CNOT6L: variants seen among roughly 807,000 people sequenced by gnomAD.
CNOT6L encodes the protein CCR4-NOT transcription complex subunit 6-like.
In CNOT6L, 7 loss-of-function variants were observed where a neutral mutation model predicts 64.0. The ratio of observed to expected loss-of-function variants is 0.11; its 90% confidence interval spans 0.06 to 0.21. The LOEUF is 0.21. CNOT6L is among the 10% of genes least tolerant of loss of function. The pLI is 1.00. For missense variants in CNOT6L, 245 were observed against 669.0 expected (o/e 0.37, Z 6.99); for synonymous variants, 193 against 243.4 (o/e 0.79, Z 1.93).
chr4:77,745,934 G>C (rs936100180), intron 6 of CNOT6L, among the ~76,000 whole-genome samples: 2 of 152,174 alleles, frequency 1.3e-5, no homozygotes, highest in Non-Finnish European at 2.9e-5. Context: ...AGTCCCCTGG[G>C]GGGTCTGACT....
chr4:77,749,641 GC>G (rs886633138), intron 5 of CNOT6L, among the ~76,000 whole-genome samples: 1 of 152,112 alleles, frequency 6.6e-6, no homozygotes, highest in Non-Finnish European at 1.5e-5. Context: ...TATCCAAAGA[GC>G]CAAAAACATA....
At position 77,819,076 on chromosome 4, in the gene CNOT6L, C is replaced by CACACACACACACA. The variant is rs1560445998; in HGVS notation, c.5+227_5+228insTGTGTGTGTGTGT. The CACACACACACACA allele has an allele frequency of 4.2e-5, 12 of 282,486 alleles. No homozygotes were observed. The African/African-American group carries it at 7.3e-4, about 17-fold the overall frequency. 17.5% of individuals were successfully genotyped at this position (282,486 alleles called of 1,614,324 possible). ...CACACACACACACACACACACACACCCCGGAACCTTCGCCCGCCTCTGAAG... is the reference window on the plus strand; with the variant it reads ...CACACACACACACACACACACACACCACACACACACACACCGGAACCTTCGCCCGCCTCTGAAG... On this transcript the variant is annotated intron_variant, in intron 1 of 11. Transcript: ENST00000504123.
intron 1 of CNOT6L, among the ~76,000 whole-genome samples, chr4:77,802,645 G>C (rs1350783451): frequency 6.6e-6 from 1 of 152,152 alleles, no homozygotes; most frequent in Non-Finnish European, 1.5e-5. Context: ...AACATGCACT[G>C]AACACCCAGT....
In CNOT6L at chr4:77,717,035, T is replaced by A. The variant is rs1720817697; in HGVS notation, c.*3396A>T. On this transcript the variant is annotated 3_prime_UTR_variant, in exon 12 of 12. Coordinates refer to ENST00000504123, the MANE Select transcript of CNOT6L (RefSeq NM_144571.3). ...TATTCAGCTATGTTATTATACAAAA[T>A]TTTTTTTACATAAAACATCATAAAT... The A allele has an allele frequency of 1.3e-5, 2 of 152,332 alleles. No homozygotes were observed. The highest frequency in any genetic ancestry group is 1.9e-4 in the East Asian group (1 of 5,194). The allele number at this position is 152,332 out of a possible 1,614,324, so 9.4% of individuals were successfully genotyped here.
At chr4:77,779,055 AAAAAAAACAAAAAAAAAAC>A (rs1728511193) in intron 1 of CNOT6L, among the ~76,000 whole-genome samples, 1 of 94,136 alleles carries the variant, frequency 1.1e-5, no homozygotes, top group Non-Finnish European at 2.3e-5. Flanking sequence ...TCAAAAAAAA[AAAAAAAACAAAAAAAAAAC>A]ACAAAAAACA....
intron 1 of CNOT6L, among the ~76,000 whole-genome samples, chr4:77,778,782 C>T (rs537652056): frequency 7.9e-5 from 12 of 151,476 alleles, no homozygotes; most frequent in Admixed American, 3.9e-4. Context: ...CGGTGGCTCA[C>T]GCATGTAATC....
intron 8 of CNOT6L, among the ~76,000 whole-genome samples, chr4:77,739,635 A>C (rs747026556): frequency 1.3e-5 from 2 of 152,228 alleles, no homozygotes; most frequent in African/African-American, 4.8e-5. Context: ...TAGGAGGTAT[A>C]TAGTCCTGTC....
At chr4:77,796,745 A>C (rs1730893151) in intron 1 of CNOT6L, among the ~76,000 whole-genome samples, 1 of 152,162 alleles carries the variant, frequency 6.6e-6, no homozygotes, top group South Asian at 2.1e-4. Context: ...AACAGAGTCT[A>C]GAAACAAACA....
At chr4:77,787,751 C>T (rs1057020909) in intron 1 of CNOT6L, among the ~76,000 whole-genome samples, 1 of 152,224 alleles carries the variant, frequency 6.6e-6, no homozygotes, top group African/African-American at 2.4e-5. Context: ...CAACTACCAA[C>T]TACTAGCTAC....
At chr4:77,804,945 C>G (rs1394247774) in intron 1 of CNOT6L, among the ~76,000 whole-genome samples, 14 of 152,182 alleles carry the variant, frequency 9.2e-5, no homozygotes, top group Admixed American at 5.9e-4. Flanking sequence ...AGTACTACCA[C>G]TTAGCCTTGA....
intron 1 of CNOT6L, among the ~76,000 whole-genome samples, chr4:77,818,078 G>A (rs964438284): frequency 2.6e-5 from 4 of 152,188 alleles, no homozygotes; most frequent in African/African-American, 9.7e-5. Context: ...AACAGAGGTT[G>A]CTTGATCTAG....
At position 77,745,935 on chromosome 4, in the gene CNOT6L, G is replaced by T. The variant is rs145583119; in HGVS notation, c.560-1060C>A. The stretch of plus-strand genomic sequence containing the variant: ...GAGAAACTCAGTTCAGTCCCCTGGG[G>T]GGTCTGACTGGTGACCATTTTGTAC... On this transcript the variant is annotated intron_variant, in intron 6 of 11. Coordinates refer to ENST00000504123, the MANE Select transcript of CNOT6L (RefSeq NM_144571.3). 3.0e-3 allele frequency among the ~76,000 whole-genome samples: 456 copies of T among 152,290 alleles called. 3 individuals are homozygous for T. The highest frequency in any genetic ancestry group is 0.01 in the African/African-American group (426 of 41,558).
At chr4:77,742,439 T>C in intron 7 of CNOT6L, 144 bp from the exon 8 acceptor site, 1 of 810,086 alleles carries the variant, frequency 1.2e-6, no homozygotes, top group Non-Finnish European at 2.0e-6. Context: ...ACCTGATTGC[T>C]AGCAGCTGCT....
chr4:77,751,886 A>G (rs892567315), intron 5 of CNOT6L, among the ~76,000 whole-genome samples: 5 of 152,204 alleles, frequency 3.3e-5, no homozygotes, highest in Non-Finnish European at 7.3e-5. Context: ...AATAGCTAAA[A>G]GAGGGCCAGA....
chr4:77,721,605 AT>A (rs375466741), intron 11 of CNOT6L, among the ~76,000 whole-genome samples: 174 of 152,264 alleles, frequency 1.1e-3, no homozygotes, highest in African/African-American at 4.1e-3. Flanking sequence ...TTATTGTGAG[AT>A]TTTGGACACA....
chr4:77,731,618 T>C, intron 8 of CNOT6L, 80 bp from the exon 9 acceptor site: 1 of 1,010,578 alleles, frequency 9.9e-7, no homozygotes, highest in Non-Finnish European at 1.4e-6. Flanking sequence ...ATGACATGCA[T>C]TGTCTCCCTT....
At chr4:77,819,402 A>C (rs1734043842), upstream of CNOT6L, 6 of 1,602,180 alleles carry the variant, frequency 3.7e-6, no homozygotes, top group Non-Finnish European at 5.1e-6. Context: ...CCAGGCCCCC[A>C]CAGATGCTTC....
In CNOT6L at chr4:77,715,359, A is replaced by AAAT. The variant is rs1339759304; in HGVS notation, c.*5069_*5071dup. The AAAT allele has an allele frequency of 1.3e-5, 2 of 152,160 alleles. No individual in the cohort carries two copies. The highest frequency in any genetic ancestry group is 4.8e-5 in the African/African-American group (2 of 41,454). 9.4% of individuals were successfully genotyped at this position (152,160 alleles called of 1,614,324 possible). On this transcript the variant is annotated 3_prime_UTR_variant, in exon 12 of 12. Coordinates refer to ENST00000504123, the MANE Select transcript of CNOT6L (RefSeq NM_144571.3). ...AGTTTATACAATGTACCATAAAAAA[A>AAAT]AATTAACAATTAATAAGCACAAATG...
intron 4 of CNOT6L, among the ~76,000 whole-genome samples, chr4:77,758,798 T>A (rs1725846900): frequency 6.6e-6 from 1 of 152,246 alleles, no homozygotes; most frequent in Non-Finnish European, 1.5e-5. Flanking sequence ...AAAAATCTCC[T>A]CATTCTTCCA....
Sources: gnomAD v4.1 joint callset for allele counts (sites outside exome capture counted in the v4.1 genomes callset) on GRCh38, gnomAD v4.1.1 for gene constraint, MANE v1.5 for transcripts, NCBI Gene and HGNC (gene_info 2026-07-23, HGNC 2026-07-21) for gene names.